CYP2J2: variants seen among roughly 807,000 people sequenced by gnomAD.
CYP2J2 encodes the protein cytochrome P450 family 2 subfamily J member 2, also known as cytochrome P450 2J2.
In CYP2J2, 41 loss-of-function variants were observed where a neutral mutation model predicts 48.8. The ratio of observed to expected loss-of-function variants is 0.84; its 90% CI spans 0.66 to 1.09. The LOEUF (loss-of-function observed/expected upper bound fraction) is 1.09, where lower values mean the gene tolerates loss of function less well. Among genes scored for constraint, CYP2J2 ranks in the 50% least tolerant of loss-of-function variants. The probability of loss-of-function intolerance (pLI) is 0.00; values close to 1 mark genes in which losing one functional copy is unlikely to be tolerated. For synonymous variants in CYP2J2, 221 were observed against 227.1 expected, an observed-to-expected ratio of 0.97 and a Z score of 0.24; for missense variants, 644 against 617.3, an observed-to-expected ratio of 1.04 and a Z score of -0.46.
intron 1 of CYP2J2, among the ~76,000 whole-genome samples, chr1:59,919,067 G>T (rs958019660): frequency 6.6e-6 from 1 of 152,106 alleles, no homozygotes; most frequent in African/African-American, 2.4e-5. Flanking sequence ...CAGAAAAAGA[G>T]TGTACTAATT....
chr1:59,917,803 G>A (rs767384698), intron 1 of CYP2J2, among the ~76,000 whole-genome samples: 10 of 152,228 alleles, frequency 6.6e-5, no homozygotes, highest in Non-Finnish European at 1.3e-4. Context: ...TGCCTGGGTT[G>A]TGTCTAGCTG....
chr1:59,908,965 C>A (rs1162083218), intron 5 of CYP2J2, among the ~76,000 whole-genome samples: 1 of 152,090 alleles, frequency 6.6e-6, no homozygotes, highest in Non-Finnish European at 1.5e-5. Flanking sequence ...ATGAGGGCTG[C>A]GAAAATGGTA....
chr1:59,917,918 A>T (rs536620076), intron 1 of CYP2J2, among the ~76,000 whole-genome samples: 1 of 152,154 alleles, frequency 6.6e-6, no homozygotes, highest in Non-Finnish European at 1.5e-5. Context: ...TATTCCTCTT[A>T]GAGTCCTGTT....
intron 8 of CYP2J2, among the ~76,000 whole-genome samples, chr1:59,895,809 A>G (rs1644264025): frequency 6.6e-6 from 1 of 152,196 alleles, no homozygotes; most frequent in South Asian, 2.1e-4. Context: ...GCTGATGGCT[A>G]CCAAATCGCG....
rs1186326371 is a variant in CYP2J2, at chr1:59,911,858, C to T, written c.524-90G>A. ...TCTACTTTACATGGCATAAGACATA[C>T]CTAGTGCAGAACCATATATGAGGAG... is the stretch of plus-strand genomic sequence containing the variant. On this transcript the variant is annotated intron_variant, in intron 3 of 8. Coordinates refer to ENST00000371204, the MANE Select transcript of CYP2J2 (RefSeq NM_000775.4). 5 of 1,306,986 alleles carry T rather than the reference C, an allele frequency of 3.8e-6. No homozygotes were observed. The African/African-American group carries it at 7.3e-5, about 19-fold the overall frequency. 81.0% of individuals were successfully genotyped at this position (1,306,986 alleles called of 1,614,324 possible). A position where few individuals can be genotyped will look rare whatever the true frequency, so the allele number is the denominator to read the frequency against.
At chr1:59,904,259 C>T (rs1206648250) in intron 7 of CYP2J2, 1 of 152,136 alleles carries the variant, frequency 6.6e-6, no homozygotes, top group African/African-American at 2.4e-5. Context: ...CTTGTAGTCC[C>T]AGCTACTTGG....
At chr1:59,913,565 GA>G (rs1644438154) in intron 2 of CYP2J2, among the ~76,000 whole-genome samples, 1 of 152,004 alleles carries the variant, frequency 6.6e-6, no homozygotes, top group South Asian at 2.1e-4. Flanking sequence ...CTACCCATTT[GA>G]GTGTCACCTC....
chr1:59,893,656 C>T lies in CYP2J2; in HGVS notation c.1504G>A (p.Val502Met), dbSNP rs765046854. 2 of 1,602,978 alleles carry T rather than the reference C, an allele frequency of 1.2e-6. No individual in the cohort carries two copies. Among genetic ancestry groups the T allele is most frequent in the Non-Finnish European group, 1.7e-6 (2 of 1,175,296 alleles). ...CCCTTTCTTTCTTAACAATATTACA[C>T]CTGAGGAACAGCGCAGAGGCGGTGA... ...VSHRLCAVPQ[V>M] Residue 502 changes from valine to methionine, a missense_variant, in exon 9 of 9, where the codon GTG becomes ATG. Transcript: ENST00000371204.
Position 59,925,880 on chromosome 1 carries a change from T to C in CYP2J2, c.210+657A>G, listed in dbSNP as rs925343610. Among the ~76,000 whole-genome samples the C allele has an allele frequency of 5.3e-5, 8 of 152,276 alleles. No individual in the cohort carries two copies. The South Asian group carries it at 1.7e-3, about 32-fold the overall frequency. ...TGAGTGGCAGGAAAACCAGTATTGG[T>C]TTCTTGAGATAGGGTTTGATGTCTG... On this transcript the variant is annotated intron_variant, in intron 1 of 8. Transcript: ENST00000371204.
chr1:59,967,598 A>G, the CYP2J2 span, among the ~76,000 whole-genome samples: 31,894 of 151,974 alleles, frequency 0.21, 3,987 homozygotes, highest in African/African-American at 0.36. Flanking sequence ...TTCTGAGCAT[A>G]TATCCCTGAG....
the CYP2J2 span, among the ~76,000 whole-genome samples, chr1:59,934,854 T>C: frequency 2.0e-5 from 3 of 151,232 alleles, no homozygotes; most frequent in African/African-American, 4.8e-5. Flanking sequence ...CATCTGGTTA[T>C]ATATCCAAAG....
chr1:59,953,520 GTGTGTA>G, the CYP2J2 span, among the ~76,000 whole-genome samples: 1 of 152,036 alleles, frequency 6.6e-6, no homozygotes, highest in Admixed American at 6.6e-5. Flanking sequence ...GTGTGTGTGT[GTGTGTA>G]TGTGTGCGTG....
At chr1:59,957,577 C>T in the CYP2J2 span, among the ~76,000 whole-genome samples, 1 of 152,180 alleles carries the variant, frequency 6.6e-6, no homozygotes, top group African/African-American at 2.4e-5. Flanking sequence ...CCTCACTTCC[C>T]TTCTACCCAT....
In CYP2J2 at chr1:59,907,669, T is replaced by C. The variant is rs532797811; in HGVS notation, c.1003+117A>G. ...GCAGTTTCCAAGTCCTCATCACTCA[T>C]GACTGTTCTGCCTCTCTTTTCATCC... On this transcript the variant is annotated intron_variant, in intron 6 of 8. Coordinates refer to ENST00000371204, the MANE Select transcript of CYP2J2 (RefSeq NM_000775.4). The C allele has an allele frequency of 1.1e-4, 120 of 1,124,010 alleles. No individual in the cohort carries two copies. In the South Asian group the frequency reaches 1.7e-3, roughly 16 times the overall value. 69.6% of individuals were successfully genotyped at this position (1,124,010 alleles called of 1,614,324 possible). A position where few individuals can be genotyped will look rare whatever the true frequency, so the allele number is the denominator to read the frequency against.
At chr1:59,944,835 A>G in the CYP2J2 span, among the ~76,000 whole-genome samples, 1 of 152,088 alleles carries the variant, frequency 6.6e-6, no homozygotes, top group Non-Finnish European at 1.5e-5. Flanking sequence ...TTTAAATGCC[A>G]CTTTAAAAAA....
the CYP2J2 span, among the ~76,000 whole-genome samples, chr1:59,960,672 G>A: frequency 3.9e-5 from 6 of 152,090 alleles, no homozygotes; most frequent in South Asian, 2.1e-4. Flanking sequence ...GTGAAACCCC[G>A]ACTCTAGTAA....
At chr1:59,964,447 C>CA in the CYP2J2 span, among the ~76,000 whole-genome samples, 20 of 152,300 alleles carry the variant, frequency 1.3e-4, no homozygotes, top group Admixed American at 7.2e-4. Context: ...ATGAAAATCT[C>CA]AAAAGGCTGC....
chr1:59,928,449 C>T (rs1220210425), upstream of CYP2J2, among the ~76,000 whole-genome samples: 2 of 152,168 alleles, frequency 1.3e-5, no homozygotes, highest in African/African-American at 4.8e-5. Context: ...TTCTCCTAGT[C>T]CCCAGATCAA....
chr1:59,912,101 A>G, intron 3 of CYP2J2, 61 bp downstream of exon 3: 1 of 1,521,168 alleles, frequency 6.6e-7, no homozygotes, highest in African/African-American at 1.4e-5. Flanking sequence ...TCACTTAGTA[A>G]GTATCTGTCC....
Sources: gnomAD v4.1 joint callset for allele counts (sites outside exome capture counted in the v4.1 genomes callset) on GRCh38, gnomAD v4.1.1 for gene constraint, MANE v1.5 for transcripts, NCBI Gene and HGNC (gene_info 2026-07-23, HGNC 2026-07-21) for gene names.